NRAP: variants seen among roughly 807,000 people sequenced by gnomAD.
NRAP encodes the protein nebulin-related-anchoring protein.
In NRAP, 189 loss-of-function variants were observed where a neutral mutation model predicts 225.9. The ratio of observed to expected loss-of-function variants is 0.84; its 90% CI spans 0.74 to 0.94. NRAP has a LOEUF of 0.94. Among genes scored for constraint, NRAP ranks in the 40% least tolerant of loss-of-function variants. The pLI is 0.00. For missense variants in NRAP, 2,176 were observed against 2,168.7 expected, an observed-to-expected ratio of 1.00 and a Z score of -0.07; for synonymous variants, 769 against 790.7, an observed-to-expected ratio of 0.97 and a Z score of 0.46.
intron 31 of NRAP, 143 bp from the exon 32 acceptor site, chr10:113,608,655 G>A (rs527662402): frequency 6.2e-5 from 39 of 625,210 alleles, no homozygotes; most frequent in African/African-American, 6.0e-4. Context: ...ATTGTCACCT[G>A]CCTTTGTGAC....
Position 113,652,573 on chromosome 10 carries a change from G to A in NRAP, c.570+362C>T, listed in dbSNP as rs1223364750. Among the ~76,000 whole-genome samples the A allele has an allele frequency of 2.6e-5, 4 of 151,252 alleles. No individual in the cohort carries two copies. In the East Asian group the frequency reaches 7.8e-4, roughly 29 times the overall value. ...GCAGGAGAATCACTTGAACCCAGGA[G>A]GCAGAGGTTGCAGTGAGCCAAGAAT... On this transcript the variant is annotated intron_variant, in intron 6 of 41. Coordinates refer to ENST00000359988, the MANE Select transcript of NRAP (RefSeq NM_198060.4).
intron 13 of NRAP, 59 bp from the exon 14 acceptor site, chr10:113,640,390 T>C: frequency 2.1e-6 from 2 of 955,062 alleles, no homozygotes; most frequent in Non-Finnish European, 3.2e-6. Flanking sequence ...CTTTTGGCTT[T>C]GTTTGAATGC....
intron 4 of NRAP, 80 bp from the exon 5 acceptor site, chr10:113,654,205 T>C (rs1228251490): frequency 6.0e-6 from 5 of 832,412 alleles, no homozygotes; most frequent in Non-Finnish European, 1.0e-5. Context: ...CAAAAGAAGA[T>C]ATTCTTAAAC....
At chr10:113,658,057 AT>A (rs1360078286) in intron 3 of NRAP, among the ~76,000 whole-genome samples, 1 of 152,146 alleles carries the variant, frequency 6.6e-6, no homozygotes, top group East Asian at 1.9e-4. Flanking sequence ...GTCAAGGTTC[AT>A]TTTTTTCTAT....
At chr10:113,642,270 C>T (rs1355037687) in intron 12 of NRAP, among the ~76,000 whole-genome samples, 1 of 152,064 alleles carries the variant, frequency 6.6e-6, no homozygotes, top group East Asian at 1.9e-4. Flanking sequence ...CCAAAATTGG[C>T]CACTTTGCTA....
At chr10:113,626,488 G>A (rs1848300151) in intron 20 of NRAP, among the ~76,000 whole-genome samples, 1 of 152,164 alleles carries the variant, frequency 6.6e-6, no homozygotes, top group Admixed American at 6.5e-5. Flanking sequence ...TGAAGACTGA[G>A]GTTCAAATCT....
intron 40 of NRAP, 26 bp downstream of exon 40, chr10:113,590,552 C>A: frequency 1.3e-6 from 2 of 1,599,042 alleles, no homozygotes; most frequent in Non-Finnish European, 8.5e-7. Context: ...GGAAGGGCCT[C>A]AAGGGAGTGG....
intron 25 of NRAP, among the ~76,000 whole-genome samples, chr10:113,619,871 C>G (rs4617521): frequency 1.3e-5 from 2 of 152,178 alleles, no homozygotes; most frequent in African/African-American, 2.4e-5. Context: ...AGGGACAATT[C>G]TGCTTCCTGG....
At position 113,610,501 on chromosome 10, in the gene NRAP, TA is replaced by T; in HGVS notation, c.3560del (p.Leu1187Ter). 6.2e-7 allele frequency: 1 copy of T among 1,603,978 alleles called. No homozygotes were observed. The highest frequency in any genetic ancestry group is 8.5e-7 in the Non-Finnish European group (1 of 1,170,676). On this transcript the variant is annotated frameshift_variant, in exon 31 of 42. Coordinates refer to ENST00000359988, the MANE Select transcript of NRAP (RefSeq NM_198060.4). LOFTEE classifies it high-confidence loss of function. Reference sequence around the variant, plus strand: ...ATGCTTTCTTCCTCCCTTCAATCTCTAACGTGCCTGGAATGACACATGCAAC... The same window carrying T: ...ATGCTTTCTTCCTCCCTTCAATCTCTACGTGCCTGGAATGACACATGCAAC... ...RGVACVIPGT[L>X]EIEGRKKASE...
intron 31 of NRAP, among the ~76,000 whole-genome samples, chr10:113,609,035 C>T (rs771168910): frequency 1.4e-4 from 21 of 152,178 alleles, no homozygotes; most frequent in Non-Finnish European, 2.1e-4. Flanking sequence ...TGGTGCACAT[C>T]TGTAATTCCA....
At chr10:113,615,341 A>G (rs1454546203) in intron 27 of NRAP, among the ~76,000 whole-genome samples, 1 of 152,182 alleles carries the variant, frequency 6.6e-6, no homozygotes, top group Non-Finnish European at 1.5e-5. Context: ...AGGGGAGCTG[A>G]CAGATTTTGG....
rs780945826 is a variant in NRAP, at chr10:113,634,184, C to T, written c.1455G>A (p.Lys485=). The T allele has an allele frequency of 4.3e-6, 7 of 1,613,450 alleles. No individual in the cohort carries two copies. Among genetic ancestry groups the T allele is most frequent in the South Asian group, 1.1e-5 (1 of 91,058 alleles). The change falls in exon 15 of 42, where the codon AAG becomes AAA. Residue 485 remains lysine, a synonymous_variant. Coordinates refer to ENST00000359988, the MANE Select transcript of NRAP (RefSeq NM_198060.4). ...TGTCAGTCACCGAGCTGTACTTCAACTTGTCGATGCTCTGCCTATAATTGG... is the reference window on the plus strand; with the variant it reads ...TGTCAGTCACCGAGCTGTACTTCAATTTGTCGATGCTCTGCCTATAATTGG... ...KDANYRQSID[K]LKYSSVTDTP...
At position 113,588,937 on chromosome 10, in the gene NRAP, T is replaced by G; in HGVS notation, c.*38A>C. On this transcript the variant is annotated 3_prime_UTR_variant, in exon 42 of 42. Transcript: ENST00000359988. ...TGAAGCCTGTCTCTGGTGAACAAACTTCCTCTCTGGCCTCTCAGGAATCAG... is the reference window on the plus strand; with the variant it reads ...TGAAGCCTGTCTCTGGTGAACAAACGTCCTCTCTGGCCTCTCAGGAATCAG... 1.3e-6 allele frequency: 2 copies of G among 1,544,336 alleles called. No individual in the cohort carries two copies. The highest frequency in any genetic ancestry group is 1.1e-5 in the South Asian group (1 of 89,094).
At chr10:113,594,552 T>C (rs1465776402) in intron 38 of NRAP, among the ~76,000 whole-genome samples, 1 of 152,228 alleles carries the variant, frequency 6.6e-6, no homozygotes. Flanking sequence ...ATTAATGAGA[T>C]AGATGTTTTG....
chr10:113,643,282 A>G (rs1282010701), intron 11 of NRAP, among the ~76,000 whole-genome samples: 7 of 152,242 alleles, frequency 4.6e-5, no homozygotes, highest in East Asian at 1.9e-4. Context: ...AACAAATAAT[A>G]TAAGATTTCA....
intron 3 of NRAP, among the ~76,000 whole-genome samples, chr10:113,661,750 G>A (rs187919210): frequency 9.2e-5 from 14 of 152,100 alleles, no homozygotes; most frequent in Admixed American, 1.3e-4. Context: ...AACCCCACAC[G>A]TCCTAAACTA....
At chr10:113,595,811 C>T in intron 37 of NRAP, 84 bp from the exon 38 acceptor site, 3 of 905,522 alleles carry the variant, frequency 3.3e-6, no homozygotes, top group Non-Finnish European at 5.4e-6. Context: ...CCTTTCCTGC[C>T]CCTCCCACCT....
In NRAP at chr10:113,622,147, C is replaced by T. The variant is rs765304325; in HGVS notation, c.2491G>A (p.Gly831Arg). Residue 831 changes from glycine (G) to arginine (R), a missense_variant, in exon 24 of 42, where the codon GGG becomes AGG. Physicochemically the swap from Gly to Arg is moderately radical, Grantham distance 125. Transcript: ENST00000359988. ...KYKEDYERSR[G>R]KLIGAKDVQG... ...ACATCTTTTGCCCCAATGAGCTTCCCTCTGGATCTCTCATAATCCTCCTTG... is the reference window on the plus strand; with the variant it reads ...ACATCTTTTGCCCCAATGAGCTTCCTTCTGGATCTCTCATAATCCTCCTTG... 39 of 1,613,694 alleles carry T rather than the reference C, an allele frequency of 2.4e-5. No individual in the cohort carries two copies. Among genetic ancestry groups the T allele is most frequent in the Non-Finnish European group, 2.3e-5 (27 of 1,179,690 alleles).
At position 113,621,947 on chromosome 10, in the gene NRAP, T is replaced by C; in HGVS notation, c.2691A>G (p.Thr897=). 1 of 1,614,222 alleles carries C rather than the reference T, an allele frequency of 6.2e-7. No individual in the cohort carries two copies. The highest frequency in any genetic ancestry group is 8.5e-7 in the Non-Finnish European group (1 of 1,180,046). Residue 897 remains threonine, a synonymous_variant, in exon 24 of 42, where the codon ACA becomes ACG. Transcript: ENST00000359988. The stretch of plus-strand genomic sequence containing the variant: ...GCAAAGCCGTAAAGTGATGTTCCGC[T>C]GTCTTGTAGCCTACGTCTGTGGCTA... ...QHLATDVGYK[T]AEHHFTALPT...
Sources: allele counts gnomAD v4.1 joint callset (sites outside exome capture counted in the v4.1 genomes callset), GRCh38; gene constraint gnomAD v4.1.1; transcripts MANE v1.5; gene names NCBI Gene and HGNC (gene_info 2026-07-23, HGNC 2026-07-21).